ENPP3: variants seen among roughly 807,000 people sequenced by gnomAD.
ENPP3 encodes the protein ectonucleotide pyrophosphatase/phosphodiesterase 3.
ENPP3 carries 104 observed loss-of-function variants against 117.8 expected under a neutral mutation model. The ratio of observed to expected loss-of-function variants is 0.88; its 90% confidence interval spans 0.75 to 1.04. The LOEUF (loss-of-function observed/expected upper bound fraction) is 1.04. Among genes scored for constraint, ENPP3 ranks in the 50% least tolerant of loss-of-function variants. The probability of loss-of-function intolerance (pLI) is 0.00; values close to 1 mark genes in which losing one functional copy is unlikely to be tolerated. For missense variants in ENPP3, 1,026 were observed against 1,051.9 expected, an observed-to-expected ratio of 0.98 and a Z score of 0.34; for synonymous variants, 380 against 349.9, an observed-to-expected ratio of 1.09 and a Z score of -0.96.
At chr6:131,717,259 AT>A (rs1401270224) in intron 15 of ENPP3, among the ~76,000 whole-genome samples, 1 of 151,238 alleles carries the variant, frequency 6.6e-6, no homozygotes, top group Non-Finnish European at 1.5e-5. Flanking sequence ...TCAGTTATGA[AT>A]TTTTTTAATG....
At position 131,652,522 on chromosome 6, in the gene ENPP3, T is replaced by G. The variant is rs1198259148; in HGVS notation, c.278-20T>G. The G allele has an allele frequency of 6.2e-7, 1 of 1,613,344 alleles. No individual in the cohort carries two copies. The highest frequency in any genetic ancestry group is 8.5e-7 in the Non-Finnish European group (1 of 1,179,458). On this transcript the variant is annotated intron_variant, in intron 3 of 24. Coordinates refer to ENST00000357639, the MANE Select transcript of ENPP3 (RefSeq NM_005021.5). The stretch of plus-strand genomic sequence containing the variant: ...TACTGCAGGCTTAAATGCTCAGAAC[T>G]GAATTGTATCGTTTTACAGCTCGAA...
rs757757783 is a variant in ENPP3, at chr6:131,726,195, C to T, written c.1948C>T (p.Gln650Ter). 3 of 1,613,216 alleles carry T rather than the reference C, an allele frequency of 1.9e-6. No homozygotes were observed. Among genetic ancestry groups the T allele is most frequent in the Admixed American group, 3.3e-5 (2 of 59,936 alleles). ...MPMWSSYTVP[Q>*]LGDTSPLPPT... ...CATGTGGAGTTCATACACAGTCCCC[C>T]AGTTGGTAAGTTCCTGAGTCCATTG... Residue 650 changes from glutamine (Q) to a stop codon, truncating the protein, a stop_gained, in exon 20 of 25, where the codon CAG (glutamine) becomes TAG (stop). Transcript: ENST00000357639. LOFTEE classifies it high-confidence loss of function.
At position 131,652,532 on chromosome 6, in the gene ENPP3, C is replaced by G. The variant is rs543524799; in HGVS notation, c.278-10C>G. ...TTAAATGCTCAGAACTGAATTGTAT[C>G]GTTTTACAGCTCGAATATGGATGTG... On this transcript the variant is annotated splice_polypyrimidine_tract_variant and intron_variant, in intron 3 of 24. Coordinates refer to ENST00000357639, the MANE Select transcript of ENPP3 (RefSeq NM_005021.5). The G allele has an allele frequency of 5.6e-6, 9 of 1,613,470 alleles. No individual in the cohort carries two copies. The highest frequency in any genetic ancestry group is 1.3e-5 in the African/African-American group (1 of 74,888).
At chr6:131,713,109 C>T (rs1779822088) in intron 15 of ENPP3, among the ~76,000 whole-genome samples, 1 of 131,170 alleles carries the variant, frequency 7.6e-6, no homozygotes, top group Non-Finnish European at 1.5e-5. Flanking sequence ...CTCATGAGAT[C>T]TGATGGTTTT....
chr6:131,742,105 G>C (rs1312935259), intron 24 of ENPP3, among the ~76,000 whole-genome samples: 1 of 149,742 alleles, frequency 6.7e-6, no homozygotes, highest in African/African-American at 2.4e-5. Flanking sequence ...GTCTAAAGAA[G>C]GTGGCCAAGT....
intron 2 of ENPP3, 87 bp downstream of exon 2, chr6:131,641,617 G>A: frequency 1.2e-6 from 1 of 823,006 alleles, no homozygotes; most frequent in Admixed American, 1.8e-5. Context: ...CCCATCCCAA[G>A]CCTCCTCTGT....
chr6:131,684,683 CA>C lies in ENPP3; in HGVS notation c.1121-667del, dbSNP rs150280548. Among the ~76,000 whole-genome samples, 1,103 of 130,214 alleles carry C rather than the reference CA, an allele frequency of 8.5e-3. 12 individuals carry two copies. Among genetic ancestry groups the C allele is most frequent in the African/African-American group, 0.024 (897 of 36,836 alleles). 85.4% of individuals were successfully genotyped at this position (130,214 alleles called of 152,430 possible). A position where few individuals can be genotyped will look rare whatever the true frequency, so the allele number is the denominator to read the frequency against. On this transcript the variant is annotated intron_variant, in intron 12 of 24. Coordinates refer to ENST00000357639, the MANE Select transcript of ENPP3 (RefSeq NM_005021.5). The stretch of plus-strand genomic sequence containing the variant: ...TGGGCAACAGAGCAAGACTCTGTCT[CA>C]AAAAAAAAAAAAATTCATGTGCAGT...
chr6:131,728,489 A>G (rs186981511), intron 20 of ENPP3, among the ~76,000 whole-genome samples: 1 of 152,300 alleles, frequency 6.6e-6, no homozygotes, highest in Admixed American at 6.5e-5. Flanking sequence ...CACTGATCCC[A>G]CAGAAGTACT....
chr6:131,659,205 T>G (rs1309197380), intron 6 of ENPP3, among the ~76,000 whole-genome samples: 1 of 152,196 alleles, frequency 6.6e-6, no homozygotes, highest in Non-Finnish European at 1.5e-5. Flanking sequence ...CCTAGCACTT[T>G]GGGAGGTGGA....
chr6:131,695,226 T>G (rs922805834), intron 15 of ENPP3, among the ~76,000 whole-genome samples: 3 of 152,144 alleles, frequency 2.0e-5, no homozygotes, highest in African/African-American at 7.2e-5. Flanking sequence ...ATGTCCAAGT[T>G]GGGGTACATT....
At chr6:131,722,427 C>A in intron 18 of ENPP3, 22 bp downstream of exon 18, 1 of 1,604,392 alleles carries the variant, frequency 6.2e-7, no homozygotes, top group Non-Finnish European at 8.5e-7. Context: ...CTTCATGCAT[C>A]CATAAGAACG....
At chr6:131,687,870 C>G (rs574792109) in intron 14 of ENPP3, among the ~76,000 whole-genome samples, 20 of 152,296 alleles carry the variant, frequency 1.3e-4, no homozygotes, top group African/African-American at 4.8e-4. Context: ...CATGACTTCA[C>G]TATTGTTTGC....
intron 15 of ENPP3, among the ~76,000 whole-genome samples, chr6:131,701,725 A>G (rs1179418118): frequency 6.7e-6 from 1 of 149,904 alleles, no homozygotes; most frequent in Non-Finnish European, 1.5e-5. Context: ...TACTAAAAAT[A>G]CAAAAAATTA....
chr6:131,656,909 G>A (rs1194773800), intron 5 of ENPP3, among the ~76,000 whole-genome samples: 1 of 152,142 alleles, frequency 6.6e-6, no homozygotes, highest in African/African-American at 2.4e-5. Flanking sequence ...AGCTTGGACA[G>A]GCAAGCTGGC....
intron 14 of ENPP3, among the ~76,000 whole-genome samples, chr6:131,687,928 A>G (rs1401277787): frequency 6.6e-6 from 1 of 152,172 alleles, no homozygotes; most frequent in Non-Finnish European, 1.5e-5. Context: ...TTACAGGCTT[A>G]CCTTGCTTCA....
chr6:131,674,061 T>C, intron 7 of ENPP3, 101 bp from the exon 8 acceptor site: 1 of 703,544 alleles, frequency 1.4e-6, no homozygotes, highest in Non-Finnish European at 2.4e-6. Flanking sequence ...AGGTATATAG[T>C]ACCTTTCTTA....
chr6:131,675,283 GT>G (rs1195821087), intron 9 of ENPP3, 94 bp downstream of exon 9: 1 of 797,834 alleles, frequency 1.3e-6, no homozygotes, highest in Non-Finnish European at 2.1e-6. Flanking sequence ...TAATCCAGTT[GT>G]TTAAGCCAAA....
Position 131,679,089 on chromosome 6 carries a change from T to TTTCTTTCCTTCCTTC in ENPP3, c.1011+1149_1011+1150insTTCTTTCCTTCCTTC, listed in dbSNP as rs1562447085. Reference sequence around the variant, plus strand: ...TCTTTCTTTCTTTCTTTCTTTCTTTTCTTCTTTCTTTCTTTCCTTTTTTGA... The same window carrying TTTCTTTCCTTCCTTC: ...TCTTTCTTTCTTTCTTTCTTTCTTTTTTCTTTCCTTCCTTCCTTCTTTCTTTCTTTCCTTTTTTGA... On this transcript the variant is annotated intron_variant, in intron 11 of 24. Coordinates refer to ENST00000357639, the MANE Select transcript of ENPP3 (RefSeq NM_005021.5). Among the ~76,000 whole-genome samples the TTTCTTTCCTTCCTTC allele has an allele frequency of 1.4e-4, 11 of 80,534 alleles. 1 individual carries two copies. Among genetic ancestry groups the TTTCTTTCCTTCCTTC allele is most frequent in the African/African-American group, 6.7e-4 (11 of 16,404 alleles). The allele number at this position is 80,534 out of a possible 152,430, so 52.8% of individuals were successfully genotyped here. A position where few individuals can be genotyped will look rare whatever the true frequency, so the allele number is the denominator to read the frequency against.
At chr6:131,672,759 T>C (rs550670074) in intron 7 of ENPP3, among the ~76,000 whole-genome samples, 7 of 151,548 alleles carry the variant, frequency 4.6e-5, no homozygotes, top group Non-Finnish European at 8.8e-5. Flanking sequence ...TATATTTTTA[T>C]ACATATATAT....
Sources: allele counts gnomAD v4.1 joint callset (sites outside exome capture counted in the v4.1 genomes callset), GRCh38; gene constraint gnomAD v4.1.1; transcripts MANE v1.5; gene names NCBI Gene and HGNC (gene_info 2026-07-23, HGNC 2026-07-21).